The following ZPBP variants were observed in gnomAD, a reference collection of about 807,000 sequenced individuals.
The protein encoded by ZPBP is zona pellucida-binding protein 1.
Under a neutral mutation model 44.8 loss-of-function variants are expected in ZPBP, and 26 were observed. The observed-to-expected ratio is 0.58, with a 90% CI of 0.43 to 0.81. The LOEUF is 0.81. ZPBP is among the 30% of genes least tolerant of loss of function. ZPBP has a pLI of 0.00. For synonymous variants in ZPBP, 174 were observed against 153.2 expected, an observed-to-expected ratio of 1.14 and a Z score of -1.00; for missense variants, 409 against 434.0, an observed-to-expected ratio of 0.94 and a Z score of 0.51.
At chr7:49,959,025 C>A (rs1002823753) in intron 7 of ZPBP, among the ~76,000 whole-genome samples, 3 of 152,068 alleles carry the variant, frequency 2.0e-5, no homozygotes, top group Non-Finnish European at 4.4e-5. Context: ...AGTGTTGGTT[C>A]AGAATTAAAG....
At chr7:49,966,042 A>T (rs983083322) in intron 7 of ZPBP, among the ~76,000 whole-genome samples, 1 of 152,108 alleles carries the variant, frequency 6.6e-6, no homozygotes. Flanking sequence ...TTTCAAAATG[A>T]TAAAGGAGTG....
At position 50,093,082 on chromosome 7, in the gene ZPBP, C is replaced by A. The variant is rs768269657; in HGVS notation, c.113G>T (p.Arg38Leu). Reference protein sequence around the residue: ...ILLFISAFLVRVPSSVGHLVR... With the variant: ...ILLFISAFLVLVPSSVGHLVR... ...CGGACCCTCACCTGATGAGGGCACC[C>A]GCACCAGGAAGGCGGAGATAAAGAG... Residue 38 changes from arginine (R) to leucine (L), a missense_variant, in exon 1 of 8, where the codon CGG (arginine) becomes CTG (leucine). Physicochemically the swap from Arg to Leu is moderately radical, Grantham distance 102. Around this residue, in one of 2 missense-constraint regions of ZPBP, gnomAD observed 367 missense variants for 363.1 expected, o/e 1.01. Transcript: ENST00000046087. 1 of 1,600,704 alleles carries A rather than the reference C, an allele frequency of 6.2e-7. No homozygotes were observed. The highest frequency in any genetic ancestry group is 2.3e-5 in the East Asian group (1 of 44,286).
At chr7:50,047,621 AG>A (rs1239504000) in intron 4 of ZPBP, among the ~76,000 whole-genome samples, 1 of 150,636 alleles carries the variant, frequency 6.6e-6, no homozygotes, top group African/African-American at 2.4e-5. Context: ...CTAGGGACTG[AG>A]TATAGCACTC....
intron 2 of ZPBP, among the ~76,000 whole-genome samples, chr7:50,087,197 T>G (rs1802705284): frequency 6.6e-6 from 1 of 152,004 alleles, no homozygotes; most frequent in Non-Finnish European, 1.5e-5. Flanking sequence ...ACTTGTTCTA[T>G]GAAGCCAAAA....
At chr7:49,992,178 T>C (rs147340470) in intron 6 of ZPBP, among the ~76,000 whole-genome samples, 23 of 152,206 alleles carry the variant, frequency 1.5e-4, no homozygotes, top group African/African-American at 5.5e-4. Context: ...GCTATCTACT[T>C]ACTGATAAAG....
At position 50,090,583 on chromosome 7, in the gene ZPBP, GTA is replaced by G. The variant is rs1330531770; in HGVS notation, c.128-876_128-875del. Among the ~76,000 whole-genome samples, 4 of 150,520 alleles carry G rather than the reference GTA, an allele frequency of 2.7e-5. No homozygotes were observed. In the Admixed American group the frequency reaches 2.7e-4, roughly 10 times the overall value. On this transcript the variant is annotated intron_variant, in intron 1 of 7. Transcript: ENST00000046087. ...TGCATATATATGTGTATATATTTGT[GTA>G]TATATATGCGTATATATGCGTATAT...
chr7:49,849,100 G>C (rs886983153), downstream of ZPBP, among the ~76,000 whole-genome samples: 8 of 152,126 alleles, frequency 5.3e-5, no homozygotes, highest in African/African-American at 1.9e-4. Context: ...CTACTGTACT[G>C]TATTTCTTAT....
intron 2 of ZPBP, among the ~76,000 whole-genome samples, chr7:49,870,942 T>C (rs929878137): frequency 1.3e-5 from 2 of 152,164 alleles, no homozygotes; most frequent in African/African-American, 4.8e-5. Flanking sequence ...GGAAATATGA[T>C]AAACTCTCTT....
At chr7:49,966,862 T>A (rs1796084007) in intron 7 of ZPBP, among the ~76,000 whole-genome samples, 1 of 152,154 alleles carries the variant, frequency 6.6e-6, no homozygotes, top group African/African-American at 2.4e-5. Flanking sequence ...ATCCCCCATC[T>A]AATGGTGTAA....
intron 7 of ZPBP, among the ~76,000 whole-genome samples, chr7:49,964,319 CAACAT>C (rs1795977183): frequency 6.6e-6 from 1 of 151,822 alleles, no homozygotes; most frequent in Admixed American, 6.6e-5. Context: ...AGGAAATAGA[CAACAT>C]AAAGTTTAAA....
intron 6 of ZPBP, among the ~76,000 whole-genome samples, chr7:50,012,289 T>C (rs1798622795): frequency 6.6e-6 from 1 of 152,088 alleles, no homozygotes; most frequent in South Asian, 2.1e-4. Flanking sequence ...ACTTCAGATA[T>C]AATTACTTAT....
At chr7:50,058,195 A>G in intron 3 of ZPBP, 54 bp from the exon 4 acceptor site, 2 of 1,577,428 alleles carry the variant, frequency 1.3e-6, no homozygotes, top group East Asian at 2.2e-5. Flanking sequence ...GACAAGTACC[A>G]AAACATTTTC....
chr7:50,068,494 C>T (rs1801649422), intron 3 of ZPBP, among the ~76,000 whole-genome samples: 1 of 150,972 alleles, frequency 6.6e-6, no homozygotes, highest in Non-Finnish European at 1.5e-5. Context: ...TCTTTTACAT[C>T]AAGCACATTA....
chr7:49,905,829 G>C (rs1477871547), intron 1 of ZPBP, among the ~76,000 whole-genome samples: 2 of 152,198 alleles, frequency 1.3e-5, no homozygotes, highest in African/African-American at 2.4e-5. Flanking sequence ...ACAGGCTGCA[G>C]TAAAGAAGCC....
downstream of ZPBP, chr7:49,850,433 C>T (rs2128716261): frequency 6.6e-6 from 1 of 152,362 alleles, no homozygotes; most frequent in Admixed American, 6.5e-5. Context: ...CTGTGGCATC[C>T]TTATAAGCCA....
chr7:49,858,716 A>G (rs1285680129), intron 2 of ZPBP, among the ~76,000 whole-genome samples: 1 of 151,928 alleles, frequency 6.6e-6, no homozygotes, highest in Non-Finnish European at 1.5e-5. Context: ...AATAAAAAAA[A>G]GAAAGCTATA....
rs138562564 is a variant in ZPBP at position 49,854,840 on chromosome 7, A to G, written n.510-4326T>C. 2.0e-3 allele frequency among the ~76,000 whole-genome samples: 305 copies of G among 152,358 alleles called. 1 individual carries two copies. Among genetic ancestry groups the G allele is most frequent in the African/African-American group, 7.0e-3 (292 of 41,584 alleles). On this transcript the variant is annotated intron_variant and non_coding_transcript_variant, in intron 2 of 2. Coordinates refer to the ZPBP transcript ENST00000465922. ...TAGATAAATTGGTGCACTTGTCACA[A>G]CACCTGGAAGGGATGGCTGTTATCA...
At chr7:49,893,137 C>G (rs1583770999) in intron 2 of ZPBP, among the ~76,000 whole-genome samples, 1 of 152,238 alleles carries the variant, frequency 6.6e-6, no homozygotes, top group East Asian at 1.9e-4. Flanking sequence ...ATACTTTAGC[C>G]TTTAAAAATG....
At chr7:49,872,359 A>G (rs1791194021) in intron 2 of ZPBP, among the ~76,000 whole-genome samples, 1 of 152,168 alleles carries the variant, frequency 6.6e-6, no homozygotes, top group Admixed American at 6.5e-5. Context: ...GCCGGGAACA[A>G]TGACAGAAAT....
Sources: gnomAD v4.1 joint callset for allele counts (sites outside exome capture counted in the v4.1 genomes callset) on GRCh38, gnomAD v4.1.1 for gene constraint, gnomAD v4.1.1 regional missense constraint, MANE v1.5 for transcripts, NCBI Gene and HGNC (gene_info 2026-07-23, HGNC 2026-07-21) for gene names.